Variants in CYP19A1 observed in about 807,000 individuals in gnomAD.
CYP19A1 encodes the protein cytochrome P450 family 19 subfamily A member 1.
A neutral mutation model predicts 44.4 loss-of-function variants in CYP19A1; 32 were observed. The ratio of observed to expected loss-of-function variants is 0.72; its 90% CI spans 0.54 to 0.97. The LOEUF (loss-of-function observed/expected upper bound fraction) is 0.97, where lower values mean the gene tolerates loss of function less well. Ranked by LOEUF, CYP19A1 falls within the 50% of genes least tolerant of loss-of-function variation. The pLI is 0.00. For missense variants in CYP19A1, 598 were observed against 637.8 expected, an observed-to-expected ratio of 0.94 and a Z score of 0.67; for synonymous variants, 212 against 215.6, an observed-to-expected ratio of 0.98 and a Z score of 0.14.
At chr15:51,231,265 G>T (rs1446592861) in intron 3 of CYP19A1, among the ~76,000 whole-genome samples, 1 of 152,172 alleles carries the variant, frequency 6.6e-6, no homozygotes, top group Non-Finnish European at 1.5e-5. Flanking sequence ...GAGAATAGAT[G>T]AATATAGTAA....
chr15:51,254,321 CAT>C (rs1706772470), intron 1 of CYP19A1, among the ~76,000 whole-genome samples: 1 of 152,128 alleles, frequency 6.6e-6, no homozygotes, highest in Non-Finnish European at 1.5e-5. Context: ...TTTGATTATC[CAT>C]CTTTTCTACC....
At chr15:51,227,191 C>T (rs1260966578) in intron 4 of CYP19A1, among the ~76,000 whole-genome samples, 6 of 151,952 alleles carry the variant, frequency 3.9e-5, no homozygotes, top group Non-Finnish European at 5.9e-5. Context: ...GGCTATATTC[C>T]GGGCTATCAT....
At chr15:51,281,662 C>T (rs1222864034) in intron 1 of CYP19A1, among the ~76,000 whole-genome samples, 1 of 152,090 alleles carries the variant, frequency 6.6e-6, no homozygotes. Flanking sequence ...AGCTGCTTGG[C>T]TGGCCAGAGG....
At chr15:51,303,051 G>A (rs75695885) in intron 1 of CYP19A1, among the ~76,000 whole-genome samples, 1,822 of 152,300 alleles carry the variant, frequency 0.012, 38 homozygotes, top group African/African-American at 0.042. Flanking sequence ...CTGAAGGACC[G>A]CTCTTTCTCT....
intron 1 of CYP19A1, among the ~76,000 whole-genome samples, chr15:51,260,490 C>T (rs2034674722): frequency 6.6e-6 from 1 of 152,168 alleles, no homozygotes; most frequent in South Asian, 2.1e-4. Context: ...ACTGAGATTA[C>T]CACGGGTTTT....
intron 1 of CYP19A1, among the ~76,000 whole-genome samples, chr15:51,246,745 T>C (rs1050626123): frequency 2.0e-5 from 3 of 152,192 alleles, no homozygotes; most frequent in Non-Finnish European, 4.4e-5. Context: ...GTGGAACTTC[T>C]GCCTAGCATG....
At chr15:51,234,754 C>G (rs1444300587) in intron 3 of CYP19A1, among the ~76,000 whole-genome samples, 1 of 152,108 alleles carries the variant, frequency 6.6e-6, no homozygotes, top group Non-Finnish European at 1.5e-5. Flanking sequence ...CTCAAACTCC[C>G]AGGGGAGTAT....
At chr15:51,231,626 C>T (rs2033041481) in intron 3 of CYP19A1, among the ~76,000 whole-genome samples, 1 of 151,496 alleles carries the variant, frequency 6.6e-6, no homozygotes, top group Non-Finnish European at 1.5e-5. Flanking sequence ...CACACATGCG[C>T]ACACATGTGT....
At chr15:51,280,370 T>C (rs1339504852) in intron 1 of CYP19A1, among the ~76,000 whole-genome samples, 1 of 152,114 alleles carries the variant, frequency 6.6e-6, no homozygotes, top group Non-Finnish European at 1.5e-5. Context: ...AGGGCTGGGA[T>C]TACAGGTGTG....
intron 1 of CYP19A1, chr15:51,277,976 T>TTTTTTC (rs1491468496): frequency 6.9e-6 from 1 of 145,564 alleles, no homozygotes. Flanking sequence ...TTTTTTTTTT[T>TTTTTTC]CCCCAGGAAA....
chr15:51,307,128 G>C (rs2036230115), intron 1 of CYP19A1, among the ~76,000 whole-genome samples: 1 of 152,188 alleles, frequency 6.6e-6, no homozygotes, highest in South Asian at 2.1e-4. Context: ...GAGGCTTTTG[G>C]AGCCAACGAA....
chr15:51,268,239 C>T (rs1186934163), intron 1 of CYP19A1, among the ~76,000 whole-genome samples: 2 of 152,322 alleles, frequency 1.3e-5, no homozygotes, highest in Admixed American at 6.5e-5. Flanking sequence ...TTCCATCACC[C>T]ACTTGTCACC....
At chr15:51,215,929 G>C (rs2031530197) in intron 6 of CYP19A1, 112 bp from the exon 7 acceptor site, 2 of 1,542,530 alleles carry the variant, frequency 1.3e-6, no homozygotes, top group African/African-American at 1.4e-5. Flanking sequence ...GAAAACATTG[G>C]TGCTTATGAG....
At chr15:51,305,568 T>C (rs2036199748) in intron 1 of CYP19A1, among the ~76,000 whole-genome samples, 1 of 151,796 alleles carries the variant, frequency 6.6e-6, no homozygotes, top group African/African-American at 2.4e-5. Flanking sequence ...GTGTTTTCGT[T>C]TGTTTGTTTT....
chr15:51,308,514 G>T (rs2036254816), intron 1 of CYP19A1, among the ~76,000 whole-genome samples: 1 of 152,124 alleles, frequency 6.6e-6, no homozygotes, highest in Non-Finnish European at 1.5e-5. Context: ...TGGCTTCCCA[G>T]TGGGCATCTT....
At chr15:51,323,943 A>C (rs1566926497) in intron 1 of CYP19A1, 1 of 152,108 alleles carries the variant, frequency 6.6e-6, no homozygotes, top group Non-Finnish European at 1.5e-5. Context: ...GGACAACGGG[A>C]CTCTGTGCCA....
intron 1 of CYP19A1, among the ~76,000 whole-genome samples, chr15:51,273,541 T>C (rs867345739): frequency 1.3e-5 from 2 of 152,118 alleles, no homozygotes; most frequent in South Asian, 2.1e-4. Context: ...GCAACTATTA[T>C]GGTACAGAGG....
At chr15:51,278,716 A>G (rs1369874063) in intron 1 of CYP19A1, among the ~76,000 whole-genome samples, 3 of 152,106 alleles carry the variant, frequency 2.0e-5, no homozygotes, top group African/African-American at 7.2e-5. Flanking sequence ...TGCTTGGGTA[A>G]AAGTCTCTCT....
chr15:51,267,142 G>T (rs1220923626), intron 1 of CYP19A1, among the ~76,000 whole-genome samples: 1 of 152,144 alleles, frequency 6.6e-6, no homozygotes, highest in Admixed American at 6.5e-5. Flanking sequence ...TCACTCCCAA[G>T]CAGGGCGAAT....
Sources: allele counts gnomAD v4.1 joint callset (sites outside exome capture counted in the v4.1 genomes callset), GRCh38; gene constraint gnomAD v4.1.1; transcripts MANE v1.5; gene names NCBI Gene and HGNC (gene_info 2026-07-23, HGNC 2026-07-21).